TLK1: variants seen among roughly 807,000 people sequenced by gnomAD.
TLK1 encodes tousled like kinase 1.
Under a neutral mutation model 105.3 loss-of-function variants are expected in TLK1, and 24 were observed. That is an observed-to-expected ratio of 0.23 (90% CI 0.17 to 0.32). The LOEUF (loss-of-function observed/expected upper bound fraction) is 0.32. TLK1 is among the 10% of genes least tolerant of loss of function. The pLI is 1.00. For missense variants in TLK1, 558 were observed against 910.5 expected (o/e 0.61, Z 4.98); for synonymous variants, 321 against 310.4 (o/e 1.03, Z -0.36).
At chr2:171,154,825 AC>A (rs1279847177) in intron 1 of TLK1, among the ~76,000 whole-genome samples, 6 of 152,234 alleles carry the variant, frequency 3.9e-5, no homozygotes, top group Admixed American at 3.9e-4. Flanking sequence ...TCCAAATGCA[AC>A]AAGTACATGA....
intron 1 of TLK1, among the ~76,000 whole-genome samples, chr2:171,120,184 G>T (rs1279245088): frequency 6.9e-6 from 1 of 144,944 alleles, no homozygotes; most frequent in Non-Finnish European, 1.5e-5. Context: ...AGGAGGCAAA[G>T]GCTGCAGTGA....
intron 11 of TLK1, among the ~76,000 whole-genome samples, chr2:171,043,405 C>A (rs545966452): frequency 1.3e-5 from 2 of 152,138 alleles, no homozygotes; most frequent in South Asian, 2.1e-4. Flanking sequence ...GAAGAAGGAG[C>A]CAGATCAAAA....
At chr2:171,015,033 CA>C (rs1685107477) in intron 12 of TLK1, 85 bp from the exon 13 acceptor site, 2 of 1,002,704 alleles carry the variant, frequency 2.0e-6, no homozygotes, top group Non-Finnish European at 1.6e-6. Flanking sequence ...CAATGTTTTA[CA>C]GTGATGGGAA....
chr2:171,168,552 C>T (rs543373015), intron 1 of TLK1, among the ~76,000 whole-genome samples: 33 of 151,966 alleles, frequency 2.2e-4, no homozygotes, highest in African/African-American at 7.2e-4. Flanking sequence ...GAACATTCTC[C>T]CATGGATTTG....
At chr2:171,138,030 T>A (rs967232006) in intron 1 of TLK1, among the ~76,000 whole-genome samples, 1 of 152,110 alleles carries the variant, frequency 6.6e-6, no homozygotes. Flanking sequence ...AAAGGCATCC[T>A]ATAAAAGTTA....
At chr2:171,180,468 C>T (rs143874806) in intron 1 of TLK1, among the ~76,000 whole-genome samples, 1 of 152,278 alleles carries the variant, frequency 6.6e-6, no homozygotes, top group African/African-American at 2.4e-5. Flanking sequence ...ACTGTCAGAA[C>T]CGAGAAGACT....
chr2:171,171,151 G>T (rs563003006), intron 1 of TLK1, among the ~76,000 whole-genome samples: 4 of 152,262 alleles, frequency 2.6e-5, no homozygotes, highest in Admixed American at 6.5e-5. Flanking sequence ...GGATATTTTT[G>T]ATAGGTTAAA....
intron 1 of TLK1, among the ~76,000 whole-genome samples, chr2:171,221,433 T>C (rs1194514394): frequency 6.6e-6 from 1 of 152,222 alleles, no homozygotes; most frequent in African/African-American, 2.4e-5. Flanking sequence ...CGAAACTTCA[T>C]GAACACCTTG....
At chr2:171,023,414 T>TAC (rs140384482) in intron 12 of TLK1, among the ~76,000 whole-genome samples, 8,145 of 147,536 alleles carry the variant, frequency 0.055, 446 homozygotes, top group African/African-American at 0.14. Flanking sequence ...CACTCACACA[T>TAC]ACACACACAC....
chr2:171,182,943 G>A (rs899252474), intron 1 of TLK1, among the ~76,000 whole-genome samples: 1 of 147,120 alleles, frequency 6.8e-6, no homozygotes, highest in Non-Finnish European at 1.5e-5. Context: ...AAAAAAGAAA[G>A]AAAGAAAGAA....
chr2:171,151,982 G>A (rs1692059887), intron 1 of TLK1, among the ~76,000 whole-genome samples: 1 of 152,156 alleles, frequency 6.6e-6, no homozygotes, highest in African/African-American at 2.4e-5. Flanking sequence ...TTAGGAGACA[G>A]GATGAGTATG....
intron 1 of TLK1, among the ~76,000 whole-genome samples, chr2:171,149,927 AGAAAG>A: frequency 6.6e-6 from 1 of 152,074 alleles, no homozygotes; most frequent in Non-Finnish European, 1.5e-5. Context: ...AAAAAGAAAA[AGAAAG>A]AAAGAAAGAA....
At chr2:171,054,037 C>T in intron 7 of TLK1, 184 bp from the exon 8 acceptor site, 1 of 425,112 alleles carries the variant, frequency 2.4e-6, no homozygotes, top group East Asian at 4.0e-5. Context: ...TACAGACTTA[C>T]CAAGAAACAT....
Position 171,138,866 on chromosome 2 carries a change from G to A in TLK1, c.140-21009C>T, listed in dbSNP as rs149464529. 4.8e-3 allele frequency among the ~76,000 whole-genome samples: 735 copies of A among 152,064 alleles called. 5 individuals are homozygous for A. Among genetic ancestry groups the A allele is most frequent in the African/African-American group, 0.016 (682 of 41,502 alleles). ...TAGTGGCACTCTAAAGTTACAACTCGTACAATACAGTAACATCCACAAAGA... is the reference window on the plus strand; with the variant it reads ...TAGTGGCACTCTAAAGTTACAACTCATACAATACAGTAACATCCACAAAGA... On this transcript the variant is annotated intron_variant, in intron 1 of 20. Coordinates refer to ENST00000431350, the MANE Select transcript of TLK1 (RefSeq NM_012290.5).
At chr2:171,224,105 A>T (rs1558997328) in intron 1 of TLK1, among the ~76,000 whole-genome samples, 1 of 152,028 alleles carries the variant, frequency 6.6e-6, no homozygotes, top group East Asian at 1.9e-4. Flanking sequence ...TCTTTACTCC[A>T]TTTTGATTTG....
chr2:171,152,892 A>C (rs1692097836), intron 1 of TLK1, among the ~76,000 whole-genome samples: 1 of 152,108 alleles, frequency 6.6e-6, no homozygotes, highest in African/African-American at 2.4e-5. Flanking sequence ...AACATTTTCC[A>C]TGAATGGACA....
chr2:171,068,989 T>C (rs1352250611), intron 3 of TLK1, among the ~76,000 whole-genome samples: 1 of 152,218 alleles, frequency 6.6e-6, no homozygotes, highest in African/African-American at 2.4e-5. Context: ...TTGTCAGTAA[T>C]GTCAACTTGT....
chr2:171,121,484 T>C (rs957863653), intron 1 of TLK1, among the ~76,000 whole-genome samples: 3 of 152,158 alleles, frequency 2.0e-5, no homozygotes, highest in Non-Finnish European at 2.9e-5. Context: ...TGAGCCAAGA[T>C]TGCACCACTG....
intron 2 of TLK1, among the ~76,000 whole-genome samples, chr2:171,089,578 C>T (rs530325338): frequency 6.6e-6 from 1 of 152,204 alleles, no homozygotes; most frequent in African/African-American, 2.4e-5. Flanking sequence ...GATCAAGTTA[C>T]TATTTACAGA....
Sources: gnomAD v4.1 joint callset for allele counts (sites outside exome capture counted in the v4.1 genomes callset) on GRCh38, gnomAD v4.1.1 for gene constraint, MANE v1.5 for transcripts, NCBI Gene and HGNC (gene_info 2026-07-23, HGNC 2026-07-21) for gene names.